RACGAP1: variants seen among roughly 807,000 people sequenced by gnomAD.
The protein encoded by RACGAP1 is Rac GTPase activating protein 1.
RACGAP1 carries 30 observed loss-of-function variants against 78.1 expected under a neutral mutation model. The ratio of observed to expected loss-of-function variants is 0.38; its 90% CI spans 0.29 to 0.52. The LOEUF (loss-of-function observed/expected upper bound fraction) is 0.52, where lower values mean the gene tolerates loss of function less well. Among genes scored for constraint, RACGAP1 ranks in the 20% least tolerant of loss-of-function variants. The pLI, the probability that RACGAP1 is intolerant of heterozygous loss-of-function variation, is 0.82. For synonymous variants in RACGAP1, 231 were observed against 264.8 expected (o/e 0.87, Z 1.24); for missense variants, 587 against 777.1 (o/e 0.76, Z 2.91).
intron 10 of RACGAP1, among the ~76,000 whole-genome samples, chr12:49,995,009 G>A (rs963854984): frequency 9.9e-5 from 15 of 152,078 alleles, no homozygotes; most frequent in African/African-American, 3.6e-4. Flanking sequence ...TACCTGTAGG[G>A]GAGAACTCCA....
intron 2 of RACGAP1, among the ~76,000 whole-genome samples, chr12:50,013,057 CTT>C (rs60796996): frequency 0.055 from 8,420 of 151,996 alleles, 291 homozygotes; most frequent in East Asian, 0.16. Flanking sequence ...GAGTGAAACT[CTT>C]GTTTCAAAAA....
intron 7 of RACGAP1, 26 bp downstream of exon 7, chr12:50,001,146 T>C: frequency 6.5e-7 from 1 of 1,529,120 alleles, no homozygotes. Context: ...CAGTAATCTC[T>C]GTTACCTTGG....
intron 9 of RACGAP1, 121 bp downstream of exon 9, chr12:49,999,020 T>C (rs957516905): frequency 2.4e-6 from 3 of 1,229,122 alleles, no homozygotes; most frequent in African/African-American, 1.5e-5. Flanking sequence ...GAGAGTAAAA[T>C]TGGAATGAGG....
rs746642329 is a variant in RACGAP1 at position 50,006,598 on chromosome 12, T to G, written c.124A>C (p.Lys42Gln). The change falls in exon 3 of 17, where the codon AAA becomes CAA. Residue 42 changes from lysine (K) to glutamine (Q), a missense_variant. Lys to Gln is a moderately conservative substitution (Grantham distance 53). Transcript: ENST00000312377. Reference sequence around the variant, plus strand: ...TCATGGTCAGTCCTCTGCCACTTTTTACGGAAATCCTCAAAGTCCTTCGCC... The same window carrying G: ...TCATGGTCAGTCCTCTGCCACTTTTGACGGAAATCCTCAAAGTCCTTCGCC... ...QLAKDFEDFR[K>Q]KWQRTDHELG... 3.1e-6 allele frequency: 5 copies of G among 1,614,176 alleles called. No homozygotes were observed. The highest frequency in any genetic ancestry group is 4.2e-6 in the Non-Finnish European group (5 of 1,180,022).
In RACGAP1 at chr12:49,989,817, T is replaced by C. The variant is rs1947716551; in HGVS notation, c.*451A>G. ...TCCTAAATCCTCTGGTCTAATCCTT[T>C]CTTTGCCCTGCCCTCCCACTTCCCA... On this transcript the variant is annotated 3_prime_UTR_variant, in exon 17 of 17. Coordinates refer to ENST00000312377, the MANE Select transcript of RACGAP1 (RefSeq NM_001319999.2). 1 of 156,626 alleles carries C rather than the reference T, an allele frequency of 6.4e-6. No individual in the cohort carries two copies. The highest frequency in any genetic ancestry group is 2.4e-5 in the African/African-American group (1 of 41,550). The allele number at this position is 156,626 out of a possible 1,614,324, so 9.7% of individuals were successfully genotyped here. A position where few individuals can be genotyped will look rare whatever the true frequency, so the allele number is the denominator to read the frequency against.
Position 49,990,131 on chromosome 12 carries a change from C to T in RACGAP1, c.*137G>A. ...AGATATATATAGTTTTAATAAAACC[C>T]TCATGCACAATTAAACTTGAGTAAA... On this transcript the variant is annotated 3_prime_UTR_variant, in exon 17 of 17. Transcript: ENST00000312377. The T allele has an allele frequency of 1.5e-6, 1 of 655,644 alleles. No individual in the cohort carries two copies. Among genetic ancestry groups the T allele is most frequent in the South Asian group, 2.2e-5 (1 of 44,934 alleles). The allele number at this position is 655,644 out of a possible 1,614,324, so 40.6% of individuals were successfully genotyped here. A position where few individuals can be genotyped will look rare whatever the true frequency, so the allele number is the denominator to read the frequency against.
intron 2 of RACGAP1, among the ~76,000 whole-genome samples, chr12:50,031,251 C>T (rs1037431962): frequency 2.7e-5 from 4 of 150,342 alleles, no homozygotes; most frequent in East Asian, 2.0e-4. Context: ...CTGAGGCAGG[C>T]GGATCATTTG....
In RACGAP1 at chr12:49,994,490, A is replaced by G. The variant is rs1948119588; in HGVS notation, c.1064T>C (p.Val355Ala). Residue 355 changes from valine to alanine, a missense_variant, in exon 11 of 17, where the codon GTG (valine) becomes GCG (alanine). Transcript: ENST00000312377. The stretch of plus-strand genomic sequence containing the variant: ...GGGGATCATTGGAGAAGTCTGGGAC[A>G]CAAAGTCTGCCAGCATTCCCTGGAA... ...KIGEGMLADFVSQTSPMIPSI... is the reference protein window; with the variant it reads ...KIGEGMLADFASQTSPMIPSI... 2 of 1,613,568 alleles carry G rather than the reference A, an allele frequency of 1.2e-6. No homozygotes were observed. The highest frequency in any genetic ancestry group is 2.7e-5 in the African/African-American group (2 of 75,016).
chr12:49,995,288 T>C (rs12322177), intron 10 of RACGAP1, among the ~76,000 whole-genome samples: 6,310 of 152,042 alleles, frequency 0.042, 408 homozygotes, highest in African/African-American at 0.14. Context: ...GTGGAGGTTG[T>C]GGTGAGTCGA....
At position 50,025,437 on chromosome 12, in the gene RACGAP1, G is replaced by C. The variant is rs559200232; in HGVS notation, c.-44C>G. On this transcript the variant is annotated 5_prime_UTR_variant, in exon 1 of 17. Coordinates refer to ENST00000312377, the MANE Select transcript of RACGAP1 (RefSeq NM_001319999.2). ...CCCCACCTGGGCCACCCTTCACTTC[G>C]CTCCGCGCCTCACCCAACGGCAGAG... 1.0e-6 allele frequency: 1 copy of C among 985,516 alleles called. No homozygotes were observed. Among genetic ancestry groups the C allele is most frequent in the Non-Finnish European group, 1.2e-6 (1 of 830,122 alleles). The allele number at this position is 985,516 out of a possible 1,614,324, so 61.0% of individuals were successfully genotyped here.
intron 6 of RACGAP1, among the ~76,000 whole-genome samples, 156 bp downstream of exon 6, chr12:50,002,088 AAAG>A (rs1232291677): frequency 2.0e-5 from 3 of 152,068 alleles, no homozygotes; most frequent in East Asian, 3.9e-4. Context: ...AAAAAAAAAA[AAAG>A]AATATCAATA....
intron 2 of RACGAP1, among the ~76,000 whole-genome samples, chr12:50,015,096 T>A (rs1162385458): frequency 6.7e-6 from 1 of 149,374 alleles, no homozygotes; most frequent in Non-Finnish European, 1.5e-5. Flanking sequence ...CCCAGGCTGG[T>A]CTCAAACTCC....
intron 14 of RACGAP1, 25 bp downstream of exon 14, chr12:49,992,220 T>TAC (rs368730368): frequency 2.5e-6 from 4 of 1,611,470 alleles, no homozygotes; most frequent in African/African-American, 2.7e-5. Flanking sequence ...CAAGTTCACA[T>TAC]ACACACACAC....
intron 2 of RACGAP1, among the ~76,000 whole-genome samples, chr12:50,013,741 C>T (rs1165108590): frequency 6.6e-6 from 1 of 152,228 alleles, no homozygotes; most frequent in Non-Finnish European, 1.5e-5. Flanking sequence ...TCATCTCTGC[C>T]TCTTGGGATT....
In RACGAP1 at chr12:49,997,204, C is replaced by G. The variant is rs1415660382; in HGVS notation, c.880G>C (p.Val294Leu). The G allele has an allele frequency of 4.4e-6, 7 of 1,580,766 alleles. No homozygotes were observed. Among genetic ancestry groups the G allele is most frequent in the Non-Finnish European group, 6.1e-6 (7 of 1,156,356 alleles). Residue 294 changes from valine (V) to leucine (L), a missense_variant and splice_region_variant, in exon 10 of 17, where the codon GTT becomes CTT. Transcript: ENST00000312377. ...GGAACACAGGATTCAGGTTTAATAACCTGGGATAAAACAGGGCAGAAGGAA... is the reference window on the plus strand; with the variant it reads ...GGAACACAGGATTCAGGTTTAATAAGCTGGGATAAAACAGGGCAGAAGGAA... ...MRLHDFVSKT[V>L]IKPESCVPCG...
upstream of RACGAP1, among the ~76,000 whole-genome samples, chr12:50,026,122 C>T (rs529077880): frequency 3.3e-3 from 498 of 152,324 alleles, 1 homozygote; most frequent in Non-Finnish European, 4.5e-3. Flanking sequence ...TGTGCTAGCA[C>T]AGGAGCTTTC....
chr12:50,011,577 A>G (rs1273449736), intron 2 of RACGAP1, among the ~76,000 whole-genome samples: 1 of 152,106 alleles, frequency 6.6e-6, no homozygotes, highest in Non-Finnish European at 1.5e-5. Context: ...AAATAGAATT[A>G]AAACAAAAGT....
At chr12:50,026,744 G>A (rs1950274835), upstream of RACGAP1, among the ~76,000 whole-genome samples, 1 of 152,204 alleles carries the variant, frequency 6.6e-6, no homozygotes, top group Non-Finnish European at 1.5e-5. Flanking sequence ...CTGGAGTGCA[G>A]TGGCACAATT....
chr12:50,011,271 G>C (rs1034955519), intron 2 of RACGAP1, among the ~76,000 whole-genome samples: 4 of 150,068 alleles, frequency 2.7e-5, no homozygotes, highest in Non-Finnish European at 5.9e-5. Flanking sequence ...GAGACGGAGG[G>C]TGCAGTGAGC....
Sources: gnomAD v4.1 joint callset for allele counts (sites outside exome capture counted in the v4.1 genomes callset) on GRCh38, gnomAD v4.1.1 for gene constraint, MANE v1.5 for transcripts, NCBI Gene and HGNC (gene_info 2026-07-23, HGNC 2026-07-21) for gene names.